GALNT1: variants seen among roughly 807,000 people sequenced by gnomAD.
GALNT1 encodes the protein polypeptide N-acetylgalactosaminyltransferase 1.
Under a neutral mutation model 65.7 loss-of-function variants are expected in GALNT1, and 17 were observed. That is an observed-to-expected ratio of 0.26 (90% CI 0.18 to 0.39). The LOEUF (loss-of-function observed/expected upper bound fraction) is 0.39, where lower values mean the gene tolerates loss of function less well. Ranked by LOEUF, GALNT1 falls within the 10% of genes least tolerant of loss-of-function variation. The pLI is 1.00. For synonymous variants in GALNT1, 210 were observed against 219.7 expected (o/e 0.96, Z 0.39); for missense variants, 460 against 672.8 (o/e 0.68, Z 3.50).
chr18:35,607,879 A>T (rs2046671296), intron 1 of GALNT1, among the ~76,000 whole-genome samples: 1 of 152,174 alleles, frequency 6.6e-6, no homozygotes, highest in African/African-American at 2.4e-5. Flanking sequence ...CTAGTGGTCC[A>T]TGTACCTAGC....
intron 2 of GALNT1, among the ~76,000 whole-genome samples, chr18:35,657,878 G>T (rs982761109): frequency 2.6e-5 from 4 of 152,180 alleles, no homozygotes; most frequent in African/African-American, 9.7e-5. Context: ...TGGAGCCGAA[G>T]TTGGTTTTCT....
intron 1 of GALNT1, among the ~76,000 whole-genome samples, chr18:35,601,380 A>C (rs2046580151): frequency 6.6e-6 from 1 of 151,774 alleles, no homozygotes; most frequent in African/African-American, 2.4e-5. Flanking sequence ...GATTTTATTA[A>C]TCTTTTCAAA....
At chr18:35,693,561 A>C (rs2048003897) in intron 9 of GALNT1, among the ~76,000 whole-genome samples, 1 of 152,202 alleles carries the variant, frequency 6.6e-6, no homozygotes, top group African/African-American at 2.4e-5. Context: ...GAGCTGGTGT[A>C]TTGTTGAAGA....
chr18:35,614,232 A>G (rs1345155069), intron 1 of GALNT1, among the ~76,000 whole-genome samples: 1 of 152,214 alleles, frequency 6.6e-6, no homozygotes, highest in African/African-American at 2.4e-5. Flanking sequence ...TCAGCAGTGT[A>G]TAAAGGAAAT....
At chr18:35,690,267 C>A (rs1292398601) in intron 7 of GALNT1, among the ~76,000 whole-genome samples, 2 of 151,976 alleles carry the variant, frequency 1.3e-5, no homozygotes, top group Admixed American at 6.6e-5. Context: ...TTTACTGTCT[C>A]ACTGAAGAAC....
intron 1 of GALNT1, among the ~76,000 whole-genome samples, chr18:35,584,338 G>A (rs985948690): frequency 5.3e-5 from 8 of 152,122 alleles, no homozygotes; most frequent in African/African-American, 1.9e-4. Flanking sequence ...TTCCTAATTG[G>A]TTGAGATGCA....
At chr18:35,630,982 C>T (rs2046999094) in intron 1 of GALNT1, among the ~76,000 whole-genome samples, 1 of 152,146 alleles carries the variant, frequency 6.6e-6, no homozygotes, top group Admixed American at 6.5e-5. Flanking sequence ...TCGACACATA[C>T]ACTCTCCCAA....
At chr18:35,696,127 T>G (rs964141048) in intron 9 of GALNT1, among the ~76,000 whole-genome samples, 4 of 152,212 alleles carry the variant, frequency 2.6e-5, no homozygotes, top group African/African-American at 4.8e-5. Flanking sequence ...ACAGCTGGCC[T>G]TAAGCCTTGT....
intron 11 of GALNT1, among the ~76,000 whole-genome samples, chr18:35,705,437 C>G (rs2048240448): frequency 6.6e-6 from 1 of 152,182 alleles, no homozygotes; most frequent in Non-Finnish European, 1.5e-5. Context: ...AATCCTGGGT[C>G]TCCTTTCACA....
At chr18:35,661,947 A>T (rs927257277) in intron 2 of GALNT1, among the ~76,000 whole-genome samples, 3 of 152,160 alleles carry the variant, frequency 2.0e-5, no homozygotes, top group Non-Finnish European at 4.4e-5. Flanking sequence ...GATGTCTCCC[A>T]CCTACTCTTT....
intron 1 of GALNT1, among the ~76,000 whole-genome samples, chr18:35,600,368 A>G (rs933185356): frequency 6.6e-6 from 1 of 151,444 alleles, no homozygotes; most frequent in East Asian, 1.9e-4. Context: ...TTTGTTGTTG[A>G]TTGTGTATTC....
At position 35,707,998 on chromosome 18, in the gene GALNT1, T is replaced by G. The variant is rs1187833321; in HGVS notation, c.1534-1626T>G. Among the ~76,000 whole-genome samples the G allele has an allele frequency of 2.0e-5, 3 of 152,226 alleles. No homozygotes were observed. In the East Asian group the frequency reaches 5.8e-4, roughly 29 times the overall value. On this transcript the variant is annotated intron_variant, in intron 11 of 11. Coordinates refer to ENST00000269195, the MANE Select transcript of GALNT1 (RefSeq NM_020474.4). Reference sequence around the variant, plus strand: ...AATTACCATTGTATGTAAATGTCATTGTACCATTTATCAAGCATTTACTCT... The same window carrying G: ...AATTACCATTGTATGTAAATGTCATGGTACCATTTATCAAGCATTTACTCT...
chr18:35,651,350 C>A (rs983394167), intron 1 of GALNT1, among the ~76,000 whole-genome samples: 1 of 152,090 alleles, frequency 6.6e-6, no homozygotes, highest in African/African-American at 2.4e-5. Flanking sequence ...TGCCACCACC[C>A]CTTTACCTTG....
intron 1 of GALNT1, among the ~76,000 whole-genome samples, chr18:35,607,141 G>A (rs933973884): frequency 2.6e-5 from 4 of 152,054 alleles, no homozygotes; most frequent in Non-Finnish European, 5.9e-5. Flanking sequence ...TAACTTCCCA[G>A]TCTAAGACAG....
At chr18:35,663,879 CTG>C in intron 3 of GALNT1, 77 bp downstream of exon 3, 3 of 1,367,250 alleles carry the variant, frequency 2.2e-6, no homozygotes, top group Non-Finnish European at 3.1e-6. Context: ...CACTTGAGTG[CTG>C]ATTGTTCTTA....
At chr18:35,664,209 A>G (rs537473960) in intron 3 of GALNT1, 1 of 167,914 alleles carries the variant, frequency 6.0e-6, no homozygotes, top group South Asian at 1.6e-4. Flanking sequence ...CAAGACATAG[A>G]ATGATCCCAT....
intron 1 of GALNT1, among the ~76,000 whole-genome samples, chr18:35,651,639 A>G (rs139755900): frequency 6.6e-6 from 1 of 152,304 alleles, no homozygotes; most frequent in Non-Finnish European, 1.5e-5. Flanking sequence ...GCCTTTTGGA[A>G]CAAGGACTTG....
At chr18:35,670,706 G>C (rs1447648769) in intron 3 of GALNT1, among the ~76,000 whole-genome samples, 1 of 152,208 alleles carries the variant, frequency 6.6e-6, no homozygotes, top group African/African-American at 2.4e-5. Flanking sequence ...GAATTATTAA[G>C]ATTTCTTAGA....
rs1555645619 is a variant in GALNT1 at position 35,615,398 on chromosome 18, A to AT, written c.-104+33536_-104+33537insT. Among the ~76,000 whole-genome samples, 13 of 152,128 alleles carry AT rather than the reference A, an allele frequency of 8.5e-5. No homozygotes were observed. In the East Asian group the frequency reaches 2.5e-3, roughly 29 times the overall value. On this transcript the variant is annotated intron_variant, in intron 1 of 11. Coordinates refer to ENST00000269195, the MANE Select transcript of GALNT1 (RefSeq NM_020474.4). Reference sequence around the variant, plus strand: ...AGCCACATTTTAAAAAATGGTTTTTACTAACACTGTATTAAAAAAAGCAAT... The same window carrying AT: ...AGCCACATTTTAAAAAATGGTTTTTATCTAACACTGTATTAAAAAAAGCAAT...
Sources: allele counts gnomAD v4.1 joint callset (sites outside exome capture counted in the v4.1 genomes callset), GRCh38; gene constraint gnomAD v4.1.1; transcripts MANE v1.5; gene names NCBI Gene and HGNC (gene_info 2026-07-23, HGNC 2026-07-21).